UBOX5: variants seen among roughly 807,000 people sequenced by gnomAD.
The protein encoded by UBOX5 is U-box domain containing 5, also known as RING finger protein 37.
UBOX5 carries 28 observed loss-of-function variants against 39.0 expected under a neutral mutation model. The observed-to-expected ratio is 0.72, with a 90% CI of 0.53 to 0.98. The LOEUF is 0.98. Among genes scored for constraint, UBOX5 ranks in the 50% least tolerant of loss-of-function variants. The pLI is 0.00. For missense variants in UBOX5, 585 were observed against 674.4 expected (o/e 0.87, Z 1.47); for synonymous variants, 283 against 275.5 (o/e 1.03, Z -0.27).
At position 3,126,536 on chromosome 20, in the gene UBOX5, GA is replaced by G. The variant is rs796479247; in HGVS notation, c.-41-3131del. Among the ~76,000 whole-genome samples the G allele has an allele frequency of 1.4e-4, 17 of 118,728 alleles. 1 individual carries two copies. The highest frequency in any genetic ancestry group is 2.4e-4 in the East Asian group (1 of 4,246). 77.9% of individuals were successfully genotyped at this position (118,728 alleles called of 152,430 possible). A position where few individuals can be genotyped will look rare whatever the true frequency, so the allele number is the denominator to read the frequency against. ...TAAAAAAAAAAAAAGAAAAGAAAAA[GA>G]AAAAAAAAAGAAAGGAAGGACAGAA... is the stretch of plus-strand genomic sequence containing the variant. On this transcript the variant is annotated intron_variant, in intron 1 of 4. Coordinates refer to ENST00000217173, the MANE Select transcript of UBOX5 (RefSeq NM_014948.4).
chr20:3,138,023 G>A (rs915899882), intron 1 of UBOX5, among the ~76,000 whole-genome samples: 21 of 152,100 alleles, frequency 1.4e-4, no homozygotes, highest in Non-Finnish European at 2.2e-4. Flanking sequence ...CTGTAATCCC[G>A]GCACTTTGGG....
chr20:3,126,100 A>G lies in UBOX5; in HGVS notation c.-41-2694T>C, dbSNP rs541585232. Among the ~76,000 whole-genome samples the G allele has an allele frequency of 3.9e-5, 6 of 152,356 alleles. No individual in the cohort carries two copies. In the East Asian group the frequency reaches 1.2e-3, roughly 29 times the overall value. ...GGAAATGTGGGGAAAAGAAAGAGAG[A>G]TCAGATTGTTACTGTGTCTGTGTAG... On this transcript the variant is annotated intron_variant, in intron 1 of 4. Coordinates refer to ENST00000217173, the MANE Select transcript of UBOX5 (RefSeq NM_014948.4).
At chr20:3,156,884 A>G (rs897337060) in intron 1 of UBOX5, 10 of 152,206 alleles carry the variant, frequency 6.6e-5, no homozygotes, top group African/African-American at 2.4e-4. Context: ...TCTATGTCCC[A>G]ATAAAATTGC....
Position 3,148,398 on chromosome 20 carries a change from G to C in UBOX5, c.-42+11368C>G. 1.9e-6 allele frequency: 3 copies of C among 1,614,108 alleles called. No individual in the cohort carries two copies. In the East Asian group the frequency reaches 6.7e-5, roughly 36 times the overall value. On this transcript the variant is annotated intron_variant, in intron 1 of 4. Transcript: ENST00000217173. The stretch of plus-strand genomic sequence containing the variant: ...CAACACTTGGTCTCATACACATCTA[G>C]CATTGAATGGGAGTGAGGGATTCCT...
chr20:3,131,501 G>A (rs1397198165), intron 1 of UBOX5, among the ~76,000 whole-genome samples: 1 of 152,048 alleles, frequency 6.6e-6, no homozygotes, highest in Admixed American at 6.6e-5. Flanking sequence ...TAAATGTACT[G>A]TACTACTGAA....
At position 3,151,166 on chromosome 20, in the gene UBOX5, G is replaced by A. The variant is rs2066620398; in HGVS notation, c.-42+8600C>T. Among the ~76,000 whole-genome samples, 3 of 152,058 alleles carry A rather than the reference G, an allele frequency of 2.0e-5. No individual in the cohort carries two copies. In the South Asian group the frequency reaches 6.2e-4, roughly 32 times the overall value. ...GATCCTCCTACCCTGGCCTCCTGAA[G>A]TGCTAGTATTACAGGCATCAGCCAC... On this transcript the variant is annotated intron_variant, in intron 1 of 4. Transcript: ENST00000217173.
Position 3,109,869 on chromosome 20 carries a change from G to C in UBOX5, c.*237C>G. The C allele has an allele frequency of 1.7e-6, 1 of 577,926 alleles. No homozygotes were observed. The highest frequency in any genetic ancestry group is 2.0e-5 in the South Asian group (1 of 49,938). 35.8% of individuals were successfully genotyped at this position (577,926 alleles called of 1,614,324 possible). A position where few individuals can be genotyped will look rare whatever the true frequency, so the allele number is the denominator to read the frequency against. On this transcript the variant is annotated 3_prime_UTR_variant, in exon 5 of 5. Transcript: ENST00000217173. ...CTCCAGTGGGTCCTGGGCTCAGGCA[G>C]GGGGGGTGGCAGGGAGGCAGGGACA...
chr20:3,133,074 G>A (rs1280676021), intron 1 of UBOX5, among the ~76,000 whole-genome samples: 1 of 152,290 alleles, frequency 6.6e-6, no homozygotes, highest in East Asian at 1.9e-4. Context: ...GAATGAGTGT[G>A]TTGTCACAGG....
intron 1 of UBOX5, among the ~76,000 whole-genome samples, chr20:3,152,100 C>CAA (rs60655157): frequency 0.016 from 992 of 62,382 alleles, 16 homozygotes; most frequent in Non-Finnish European, 0.028. Flanking sequence ...GACTCTGTCT[C>CAA]AAAAAAAAAA....
At chr20:3,136,237 C>CTG (rs547988953) in intron 1 of UBOX5, 1 of 146,178 alleles carries the variant, frequency 6.8e-6, no homozygotes, top group Non-Finnish European at 1.5e-5. Context: ...TCTTTTTATT[C>CTG]TTTTTTTTTT....
At position 3,121,413 on chromosome 20, in the gene UBOX5, G is replaced by A; in HGVS notation, c.1226C>T (p.Pro409Leu). ...TAKKMKATNE[P>L]SLTHMDCSTG... Reference sequence around the variant, plus strand: ...CGAGCAGTCCATATGTGTCAGGCTGGGCTCATTGGTGGCTTTCATTTTCTT... The same window carrying A: ...CGAGCAGTCCATATGTGTCAGGCTGAGCTCATTGGTGGCTTTCATTTTCTT... The change falls in exon 3 of 5, where the codon CCC becomes CTC. Residue 409 changes from proline (P) to leucine (L), a missense_variant. Pro to Leu is a moderately conservative substitution (Grantham distance 98). Coordinates refer to ENST00000217173, the MANE Select transcript of UBOX5 (RefSeq NM_014948.4). 2 of 1,613,716 alleles carry A rather than the reference G, an allele frequency of 1.2e-6. No individual in the cohort carries two copies. The highest frequency in any genetic ancestry group is 1.7e-6 in the Non-Finnish European group (2 of 1,179,748).
chr20:3,155,136 G>C (rs1396744363), intron 1 of UBOX5, among the ~76,000 whole-genome samples: 2 of 151,996 alleles, frequency 1.3e-5, no homozygotes, highest in Non-Finnish European at 2.9e-5. Context: ...GCTCACACCT[G>C]TAATCCCAGC....
intron 1 of UBOX5, 134 bp downstream of exon 1, chr20:3,159,631 CA>C: frequency 6.6e-6 from 1 of 152,456 alleles, no homozygotes; most frequent in South Asian, 2.1e-4. Context: ...CAACCCAGGC[CA>C]AGAGCTGAAC....
chr20:3,134,775 C>T (rs1473511474), intron 1 of UBOX5, among the ~76,000 whole-genome samples: 1 of 144,542 alleles, frequency 6.9e-6, no homozygotes, highest in African/African-American at 2.6e-5. Context: ...AGGAGAATCA[C>T]AATCACTTGA....
intron 1 of UBOX5, chr20:3,147,086 G>A (rs1200724094): frequency 1.9e-6 from 3 of 1,614,100 alleles, no homozygotes; most frequent in African/African-American, 1.3e-5. Context: ...CAGAGGTACA[G>A]CTGCCTTATT....
chr20:3,137,753 C>T (rs2148610222), intron 1 of UBOX5, among the ~76,000 whole-genome samples: 1 of 152,316 alleles, frequency 6.6e-6, no homozygotes, highest in Middle Eastern at 3.4e-3. Flanking sequence ...ATACAGAACA[C>T]TTTTATCACA....
intron 1 of UBOX5, 72 bp from the exon 2 acceptor site, chr20:3,123,478 A>G (rs1488947397): frequency 8.9e-7 from 1 of 1,120,494 alleles, no homozygotes; most frequent in African/African-American, 1.6e-5. Context: ...GTTGATTCTT[A>G]AGAGAATCAA....
chr20:3,144,328 C>A (rs1199547778), intron 1 of UBOX5, among the ~76,000 whole-genome samples: 1 of 152,002 alleles, frequency 6.6e-6, no homozygotes, highest in African/African-American at 2.4e-5. Context: ...CATAAATAAC[C>A]CCCCACATGT....
At chr20:3,140,390 G>A (rs1260569965) in intron 1 of UBOX5, among the ~76,000 whole-genome samples, 1 of 151,784 alleles carries the variant, frequency 6.6e-6, no homozygotes, top group Non-Finnish European at 1.5e-5. Context: ...TCTTTCTCCT[G>A]AGAGACTCAG....
Sources: gnomAD v4.1 joint callset for allele counts (sites outside exome capture counted in the v4.1 genomes callset) on GRCh38, gnomAD v4.1.1 for gene constraint, MANE v1.5 for transcripts, NCBI Gene and HGNC (gene_info 2026-07-23, HGNC 2026-07-21) for gene names.